SENP6: variants seen among roughly 807,000 people sequenced by gnomAD.
SENP6 encodes SUMO specific peptidase 6, also known as sentrin-specific protease 6.
In SENP6, 41 loss-of-function variants were observed where a neutral mutation model predicts 134.5. The observed-to-expected ratio is 0.30, with a 90% CI of 0.24 to 0.40. SENP6 has a LOEUF of 0.40. SENP6 is among the 10% of genes least tolerant of loss of function. The pLI, the probability that SENP6 is intolerant of heterozygous loss-of-function variation, is 1.00. For missense variants in SENP6, 1,248 were observed against 1,312.5 expected, an observed-to-expected ratio of 0.95 and a Z score of 0.76; for synonymous variants, 395 against 429.8, an observed-to-expected ratio of 0.92 and a Z score of 1.00.
intron 18 of SENP6, among the ~76,000 whole-genome samples, chr6:75,702,008 G>A (rs941169101): frequency 1.3e-5 from 2 of 151,942 alleles, no homozygotes; most frequent in African/African-American, 2.4e-5. Flanking sequence ...GGGGAATGAC[G>A]AGTTGCAAAG....
intron 16 of SENP6, among the ~76,000 whole-genome samples, chr6:75,682,643 A>C (rs184814891): frequency 2.1e-3 from 316 of 152,234 alleles, no homozygotes; most frequent in Non-Finnish European, 3.9e-3. Context: ...CCTATGAGTG[A>C]GAACATGCTG....
Position 75,695,755 on chromosome 6 carries a change from A to G in SENP6, c.2076-49A>G, listed in dbSNP as rs774460033. The G allele has an allele frequency of 5.8e-5, 83 of 1,442,748 alleles. No individual in the cohort carries two copies. In the East Asian group the frequency reaches 1.9e-3, roughly 34 times the overall value. 89.4% of individuals were successfully genotyped at this position (1,442,748 alleles called of 1,614,324 possible). On this transcript the variant is annotated intron_variant, in intron 16 of 23. Coordinates refer to ENST00000447266, the MANE Select transcript of SENP6 (RefSeq NM_015571.4). Reference sequence around the variant, plus strand: ...CTGTCTCAAAAAAATAGAAATAAATAAAGTGAACTGTTACATTAATTATAT... The same window carrying G: ...CTGTCTCAAAAAAATAGAAATAAATGAAGTGAACTGTTACATTAATTATAT...
At chr6:75,695,975 T>A (rs541007520) in intron 17 of SENP6, 52 bp downstream of exon 17, 2 of 1,480,420 alleles carry the variant, frequency 1.4e-6, no homozygotes, top group East Asian at 4.8e-5. Context: ...CACATTTAAC[T>A]AAGTGAAAAA....
At chr6:75,672,927 A>G (rs183638786) in intron 11 of SENP6, among the ~76,000 whole-genome samples, 1 of 151,622 alleles carries the variant, frequency 6.6e-6, no homozygotes, top group Admixed American at 6.6e-5. Context: ...TCCTGGGTTC[A>G]TGCCATTCTC....
rs780645548 is a variant in SENP6 at position 75,695,838 on chromosome 6, G to T, written c.2110G>T (p.Ala704Ser). Reference sequence around the variant, plus strand: ...GCTTGAAAAACTGAAGAAGGAAGACGCTGACCGAATTCATATATTCAGTTC... The same window carrying T: ...GCTTGAAAAACTGAAGAAGGAAGACTCTGACCGAATTCATATATTCAGTTC... ...LVLEKLKKEDADRIHIFSSFF... is the reference protein window; with the variant it reads ...LVLEKLKKEDSDRIHIFSSFF... The change falls in exon 17 of 24, where the codon GCT becomes TCT. Residue 704 changes from alanine (A) to serine (S), a missense_variant. Physicochemically the swap from Ala to Ser is moderately conservative, Grantham distance 99. Coordinates refer to ENST00000447266, the MANE Select transcript of SENP6 (RefSeq NM_015571.4). The T allele has an allele frequency of 6.2e-7, 1 of 1,602,854 alleles. No individual in the cohort carries two copies. Among genetic ancestry groups the T allele is most frequent in the Admixed American group, 1.7e-5 (1 of 58,558 alleles).
At chr6:75,675,705 T>A in intron 12 of SENP6, 155 bp from the exon 13 acceptor site, 1 of 860,924 alleles carries the variant, frequency 1.2e-6, no homozygotes. Flanking sequence ...AAGGCAGTTA[T>A]AAAGATTTTT....
chr6:75,615,898 T>C (rs946319352), intron 1 of SENP6, among the ~76,000 whole-genome samples: 12 of 152,230 alleles, frequency 7.9e-5, no homozygotes, highest in Non-Finnish European at 1.3e-4. Flanking sequence ...GTATTAAAAA[T>C]CTTCTTTTGC....
chr6:75,627,867 C>T (rs1032873530), intron 3 of SENP6, among the ~76,000 whole-genome samples: 3 of 151,776 alleles, frequency 2.0e-5, no homozygotes, highest in East Asian at 1.9e-4. Context: ...TAGTAAGAGA[C>T]GGGGTTTCAC....
intron 16 of SENP6, among the ~76,000 whole-genome samples, chr6:75,690,636 C>G (rs1417057928): frequency 6.6e-6 from 1 of 151,774 alleles, no homozygotes; most frequent in Non-Finnish European, 1.5e-5. Flanking sequence ...CACTGCTGAA[C>G]TCTACACTCA....
chr6:75,634,049 T>C (rs1769317524), intron 4 of SENP6, among the ~76,000 whole-genome samples: 1 of 152,190 alleles, frequency 6.6e-6, no homozygotes. Context: ...ATGTCTCCTT[T>C]AGGAAATACT....
Position 75,707,924 on chromosome 6 carries a change from C to T in SENP6, c.2717-1603C>T, listed in dbSNP as rs369317335. On this transcript the variant is annotated intron_variant, in intron 19 of 23. Coordinates refer to ENST00000447266, the MANE Select transcript of SENP6 (RefSeq NM_015571.4). ...GGTGATCCTTCTGAACTCAGGTGAT[C>T]CTCCTGCCTCAGCCTCCCAAAGTGC... Among the ~76,000 whole-genome samples, 32 of 152,198 alleles carry T rather than the reference C, an allele frequency of 2.1e-4. No homozygotes were observed. In the South Asian group the frequency reaches 4.4e-3, roughly 21 times the overall value.
chr6:75,688,206 C>T lies in SENP6; in HGVS notation c.2076-7598C>T, dbSNP rs577207409. On this transcript the variant is annotated intron_variant, in intron 16 of 23. Transcript: ENST00000447266. The stretch of plus-strand genomic sequence containing the variant: ...TGGGCGTGGGAGCCGCCGAGCCAGG[C>T]ACGGGAGAGAATCACCTTGTCTGCT... Among the ~76,000 whole-genome samples the T allele has an allele frequency of 2.0e-5, 3 of 152,358 alleles. No homozygotes were observed. The South Asian group carries it at 6.2e-4, about 32-fold the overall frequency.
At chr6:75,714,203 C>G (rs953153452) in intron 23 of SENP6, among the ~76,000 whole-genome samples, 2 of 152,154 alleles carry the variant, frequency 1.3e-5, no homozygotes. Context: ...GATTCTACTT[C>G]TCAAATCTCT....
chr6:75,635,983 T>C (rs1437736248), intron 5 of SENP6, among the ~76,000 whole-genome samples: 1 of 152,150 alleles, frequency 6.6e-6, no homozygotes, highest in Non-Finnish European at 1.5e-5. Flanking sequence ...CTTTTGAAGT[T>C]GTCTGTTAGT....
chr6:75,700,087 T>A (rs1043998456), intron 18 of SENP6, among the ~76,000 whole-genome samples: 5 of 152,002 alleles, frequency 3.3e-5, no homozygotes, highest in East Asian at 1.9e-4. Flanking sequence ...TTTTTTAAAA[T>A]TTTTTTGGAG....
chr6:75,700,230 T>C (rs1451005721), intron 18 of SENP6, among the ~76,000 whole-genome samples: 9 of 152,094 alleles, frequency 5.9e-5, no homozygotes, highest in Admixed American at 5.9e-4. Context: ...TGTAACCCTC[T>C]CTCTTGCTGT....
chr6:75,674,146 CTTTTTTTTT>C (rs770350544), intron 11 of SENP6, among the ~76,000 whole-genome samples: 3 of 128,492 alleles, frequency 2.3e-5, no homozygotes, highest in Non-Finnish European at 4.8e-5. Context: ...CAAGCTACTC[CTTTTTTTTT>C]TTTTTTTTTT....
At chr6:75,620,390 G>C (rs1011044370) in intron 1 of SENP6, among the ~76,000 whole-genome samples, 1 of 152,150 alleles carries the variant, frequency 6.6e-6, no homozygotes, top group Non-Finnish European at 1.5e-5. Context: ...AAGCTGGGAA[G>C]TTAGATCAAG....
chr6:75,635,160 C>T (rs557791441), intron 5 of SENP6: 11 of 326,360 alleles, frequency 3.4e-5, no homozygotes, highest in East Asian at 3.0e-4. Context: ...CAGTTAATAC[C>T]GTACTTTCTT....
Sources: gnomAD v4.1 joint callset for allele counts (sites outside exome capture counted in the v4.1 genomes callset) on GRCh38, gnomAD v4.1.1 for gene constraint, MANE v1.5 for transcripts, NCBI Gene and HGNC (gene_info 2026-07-23, HGNC 2026-07-21) for gene names.